PARD3B: variants seen among roughly 807,000 people sequenced by gnomAD.
The protein encoded by PARD3B is partitioning defective 3 homolog B.
PARD3B carries 103 observed loss-of-function variants against 130.2 expected under a neutral mutation model. The observed-to-expected ratio is 0.79, with a 90% confidence interval of 0.67 to 0.93. The LOEUF is 0.93. Among genes scored for constraint, PARD3B ranks in the 40% least tolerant of loss-of-function variants. The pLI, the probability that PARD3B is intolerant of heterozygous loss-of-function variation, is 0.00. For missense variants in PARD3B, 1,609 were observed against 1,499.2 expected (o/e 1.07, Z -1.21); for synonymous variants, 583 against 553.2 (o/e 1.05, Z -0.76).
intron 2 of PARD3B, among the ~76,000 whole-genome samples, chr2:204,855,552 AATAT>A (rs1553540278): frequency 0.052 from 7,389 of 143,076 alleles, 512 homozygotes; most frequent in African/African-American, 0.16. Context: ...AAGAAAAAAA[AATAT>A]ATATATATAT....
intron 18 of PARD3B, among the ~76,000 whole-genome samples, chr2:205,312,063 AACATGAC>A (rs1277815846): frequency 6.6e-6 from 1 of 152,210 alleles, no homozygotes; most frequent in East Asian, 1.9e-4. Flanking sequence ...GTCACCAGGG[AACATGAC>A]ATCTGTCATA....
chr2:204,868,079 A>C (rs927992148), intron 2 of PARD3B, among the ~76,000 whole-genome samples: 6 of 152,112 alleles, frequency 3.9e-5, no homozygotes, highest in Non-Finnish European at 8.8e-5. Flanking sequence ...AACATTGTGA[A>C]AGATATCTGT....
intron 2 of PARD3B, among the ~76,000 whole-genome samples, chr2:204,759,907 T>C (rs953366144): frequency 3.3e-5 from 5 of 152,114 alleles, no homozygotes; most frequent in East Asian, 1.9e-4. Flanking sequence ...TACCCTCTTA[T>C]AGACATTAGC....
intron 15 of PARD3B, among the ~76,000 whole-genome samples, chr2:205,212,795 T>C (rs920948768): frequency 6.6e-6 from 1 of 152,134 alleles, no homozygotes; most frequent in African/African-American, 2.4e-5. Flanking sequence ...AACCTTTGAC[T>C]CTCTTTTACA....
chr2:204,964,279 G>T (rs1352362305), intron 2 of PARD3B, among the ~76,000 whole-genome samples: 1 of 152,154 alleles, frequency 6.6e-6, no homozygotes, highest in African/African-American at 2.4e-5. Flanking sequence ...GAATGTTGGT[G>T]CTGTCTGTTG....
intron 1 of PARD3B, among the ~76,000 whole-genome samples, chr2:204,652,782 G>T (rs982484196): frequency 1.4e-5 from 2 of 145,404 alleles, no homozygotes; most frequent in Admixed American, 1.3e-4. Context: ...GCTTAACAAG[G>T]AAGCATGAAT....
intron 2 of PARD3B, among the ~76,000 whole-genome samples, chr2:204,760,917 T>C (rs1281015717): frequency 6.6e-6 from 1 of 152,196 alleles, no homozygotes; most frequent in Non-Finnish European, 1.5e-5. Context: ...GATATTTCTT[T>C]TTACCTGTTG....
chr2:204,622,417 C>T (rs1314926969), intron 1 of PARD3B, among the ~76,000 whole-genome samples: 1 of 152,072 alleles, frequency 6.6e-6, no homozygotes, highest in East Asian at 1.9e-4. Context: ...ATTCAGTATA[C>T]AATTACATAC....
intron 1 of PARD3B, among the ~76,000 whole-genome samples, chr2:204,562,038 A>T (rs2031349694): frequency 6.6e-6 from 1 of 152,164 alleles, no homozygotes; most frequent in Admixed American, 6.5e-5. Context: ...ATTTGCCTGC[A>T]TGACTCAGTA....
chr2:204,935,396 T>A lies in PARD3B; in HGVS notation c.223-29756T>A, dbSNP rs570146075. On this transcript the variant is annotated intron_variant, in intron 2 of 22. Transcript: ENST00000406610. ...TACAAAAAAAAAAAAAAAATTAGCC[T>A]GGCATGGTGACGGGCGCCTGTAGTC... Among the ~76,000 whole-genome samples, 442 of 145,720 alleles carry A rather than the reference T, an allele frequency of 3.0e-3. 3 individuals are homozygous for A. Among genetic ancestry groups the A allele is most frequent in the Middle Eastern group, 0.021 (6 of 280 alleles).
chr2:205,483,201 G>C (rs1241830526), intron 20 of PARD3B, among the ~76,000 whole-genome samples: 1 of 152,160 alleles, frequency 6.6e-6, no homozygotes, highest in Non-Finnish European at 1.5e-5. Context: ...AATATTCATA[G>C]GGAATGGAAC....
At chr2:204,828,750 T>G (rs1012660409) in intron 2 of PARD3B, among the ~76,000 whole-genome samples, 2 of 152,230 alleles carry the variant, frequency 1.3e-5, no homozygotes, top group Admixed American at 1.3e-4. Flanking sequence ...ATTCAATCTC[T>G]TTTGCATAGT....
chr2:205,161,514 AG>A (rs112046074), intron 11 of PARD3B, among the ~76,000 whole-genome samples: 4,118 of 152,280 alleles, frequency 0.027, 167 homozygotes, highest in African/African-American at 0.088. Context: ...CTGATTAACC[AG>A]GGGAAAAAAA....
intron 1 of PARD3B, among the ~76,000 whole-genome samples, chr2:204,557,706 G>A (rs1021597313): frequency 3.9e-5 from 6 of 152,160 alleles, no homozygotes; most frequent in African/African-American, 1.4e-4. Context: ...CTTTTCTCTT[G>A]ATTATCTTGA....
intron 2 of PARD3B, among the ~76,000 whole-genome samples, chr2:204,891,268 C>A (rs1415199325): frequency 6.6e-6 from 1 of 151,202 alleles, no homozygotes; most frequent in African/African-American, 2.4e-5. Flanking sequence ...GTTTGATTAG[C>A]ATTACGATAC....
At chr2:204,788,768 A>G (rs1325525042) in intron 2 of PARD3B, among the ~76,000 whole-genome samples, 1 of 152,232 alleles carries the variant, frequency 6.6e-6, no homozygotes, top group Non-Finnish European at 1.5e-5. Flanking sequence ...AGATATGTAA[A>G]TTATGATGCA....
rs75933828 is a variant in PARD3B, at chr2:205,475,148, T to C, written c.3045-24748T>C. Among the ~76,000 whole-genome samples, 177 of 152,280 alleles carry C rather than the reference T, an allele frequency of 1.2e-3. 3 individuals carry two copies. In the East Asian group the frequency reaches 0.032, roughly 28 times the overall value. Reference sequence around the variant, plus strand: ...AGCTATATCTACTTGGACCTTGTTTTAATTGACTCACCCTTCCCCTAATAG... The same window carrying C: ...AGCTATATCTACTTGGACCTTGTTTCAATTGACTCACCCTTCCCCTAATAG... On this transcript the variant is annotated intron_variant, in intron 20 of 22. Transcript: ENST00000406610.
chr2:204,651,600 A>G (rs2035481847), intron 1 of PARD3B, among the ~76,000 whole-genome samples: 1 of 152,030 alleles, frequency 6.6e-6, no homozygotes, highest in Non-Finnish European at 1.5e-5. Context: ...CTGTCAGTGG[A>G]TCTGTCATTC....
At chr2:205,054,758 A>C (rs1227632801) in intron 4 of PARD3B, among the ~76,000 whole-genome samples, 1 of 152,036 alleles carries the variant, frequency 6.6e-6, no homozygotes, top group East Asian at 1.9e-4. Context: ...TAGAAAGCCT[A>C]AGACATGGTT....
Sources: allele counts gnomAD v4.1 joint callset (sites outside exome capture counted in the v4.1 genomes callset), GRCh38; gene constraint gnomAD v4.1.1; transcripts MANE v1.5; gene names NCBI Gene and HGNC (gene_info 2026-07-23, HGNC 2026-07-21).